KCNK13: variants seen among roughly 807,000 people sequenced by gnomAD.
The protein encoded by KCNK13 is potassium two pore domain channel subfamily K member 13.
Under a neutral mutation model 23.4 loss-of-function variants are expected in KCNK13, and 12 were observed. That is an observed-to-expected ratio of 0.51 (90% CI 0.33 to 0.83). The LOEUF (loss-of-function observed/expected upper bound fraction) is 0.83. Among genes scored for constraint, KCNK13 ranks in the 40% least tolerant of loss-of-function variants. KCNK13 has a pLI of 0.02. For missense variants in KCNK13, 463 were observed against 556.3 expected (o/e 0.83, Z 1.69); for synonymous variants, 231 against 229.5 (o/e 1.01, Z -0.06).
At chr14:90,104,253 C>A (rs1013297652) in intron 1 of KCNK13, among the ~76,000 whole-genome samples, 3 of 152,220 alleles carry the variant, frequency 2.0e-5, no homozygotes, top group Non-Finnish European at 4.4e-5. Context: ...GCCTCCTCCT[C>A]CTGTGAATGC....
At chr14:90,076,022 A>G (rs1362484314) in intron 1 of KCNK13, among the ~76,000 whole-genome samples, 2 of 152,310 alleles carry the variant, frequency 1.3e-5, no homozygotes, top group East Asian at 3.9e-4. Flanking sequence ...AGAGGAAATA[A>G]CACCACATTT....
At chr14:90,135,742 C>A (rs1889928577) in intron 1 of KCNK13, among the ~76,000 whole-genome samples, 1 of 152,118 alleles carries the variant, frequency 6.6e-6, no homozygotes, top group African/African-American at 2.4e-5. Context: ...AAGAAAAGGA[C>A]TCTTTTTTGT....
intron 1 of KCNK13, among the ~76,000 whole-genome samples, chr14:90,071,161 T>G (rs960786256): frequency 2.0e-5 from 3 of 152,202 alleles, no homozygotes; most frequent in Admixed American, 2.0e-4. Flanking sequence ...TCTCTTTCCC[T>G]CTATCCCTTT....
chr14:90,125,459 G>A (rs1889786642), intron 1 of KCNK13, among the ~76,000 whole-genome samples: 1 of 151,892 alleles, frequency 6.6e-6, no homozygotes. Context: ...TTCTGACCTC[G>A]TGAATTGCCT....
chr14:90,178,155 AAAG>A (rs894951825), intron 1 of KCNK13, among the ~76,000 whole-genome samples: 8 of 150,652 alleles, frequency 5.3e-5, no homozygotes, highest in African/African-American at 1.7e-4. Context: ...TTCATCATTA[AAAG>A]TAAAGACATG....
At chr14:90,177,675 G>T (rs78522449) in intron 1 of KCNK13, among the ~76,000 whole-genome samples, 2,026 of 152,268 alleles carry the variant, frequency 0.013, 28 homozygotes, top group Middle Eastern at 0.034. Flanking sequence ...TGAAGGAGTG[G>T]TTCCTGTAAC....
chr14:90,169,891 A>G (rs1218758337), intron 1 of KCNK13, among the ~76,000 whole-genome samples: 4 of 152,184 alleles, frequency 2.6e-5, no homozygotes, highest in Admixed American at 2.6e-4. Context: ...ACAGCCTCCA[A>G]CTGAGGGCAG....
intron 1 of KCNK13, among the ~76,000 whole-genome samples, chr14:90,123,826 G>A (rs563499754): frequency 3.6e-4 from 55 of 152,166 alleles, no homozygotes; most frequent in Admixed American, 1.1e-3. Context: ...GTAGAGATGC[G>A]GTCTCACTGT....
Position 90,062,587 on chromosome 14 carries a change from T to G in KCNK13, c.334+48T>G. ...CTGACAACCTCCGGGCGGCCTCCAC[T>G]TCCTCCGGGGGGCAGGACCGACCCT... On this transcript the variant is annotated intron_variant, in intron 1 of 1. Coordinates refer to ENST00000282146, the MANE Select transcript of KCNK13 (RefSeq NM_022054.4). This position sits in a 1 kb window ranked among gnomAD's most constrained non-coding sequence, Gnocchi z 4.5. The G allele has an allele frequency of 7.3e-7, 1 of 1,370,184 alleles. No individual in the cohort carries two copies. The highest frequency in any genetic ancestry group is 9.7e-7 in the Non-Finnish European group (1 of 1,033,754). 84.9% of individuals were successfully genotyped at this position (1,370,184 alleles called of 1,614,324 possible). A position where few individuals can be genotyped will look rare whatever the true frequency, so the allele number is the denominator to read the frequency against.
chr14:90,101,790 C>CAAAAAAAAAAAGAAAA (rs1889481246), intron 1 of KCNK13, among the ~76,000 whole-genome samples: 1 of 55,594 alleles, frequency 1.8e-5, no homozygotes, highest in Non-Finnish European at 3.5e-5. Context: ...ACTCCGTCTC[C>CAAAAAAAAAAAGAAAA]AAAAAAAAAA....
At chr14:90,142,593 C>T (rs1017265967) in intron 1 of KCNK13, among the ~76,000 whole-genome samples, 2 of 152,150 alleles carry the variant, frequency 1.3e-5, no homozygotes, top group African/African-American at 4.8e-5. Context: ...GCTGGGATTA[C>T]AGGCATGAGC....
rs79920103 is a variant in KCNK13 at position 90,129,627 on chromosome 14, A to G, written c.335-54484A>G. Among the ~76,000 whole-genome samples the G allele has an allele frequency of 5.9e-3, 901 of 152,174 alleles. 5 individuals are homozygous for G. Among genetic ancestry groups the G allele is most frequent in the African/African-American group, 0.021 (853 of 41,522 alleles). ...TAAAATAATGCCCAATCGTTTTACT[A>G]TGTTGCTGTGACACTTTATTTTCCT... is the stretch of plus-strand genomic sequence containing the variant. On this transcript the variant is annotated intron_variant, in intron 1 of 1. Coordinates refer to ENST00000282146, the MANE Select transcript of KCNK13 (RefSeq NM_022054.4).
At chr14:90,112,262 A>G (rs2140413095) in intron 1 of KCNK13, among the ~76,000 whole-genome samples, 1 of 152,312 alleles carries the variant, frequency 6.6e-6, no homozygotes, top group Admixed American at 6.5e-5. Flanking sequence ...CCACCCACCA[A>G]GGGAAGCTTT....
chr14:90,177,191 T>G (rs967333465), intron 1 of KCNK13: 10 of 151,914 alleles, frequency 6.6e-5, no homozygotes, highest in African/African-American at 2.4e-4. Context: ...TGAGATCCTA[T>G]CTCAAAAAAA....
chr14:90,073,309 T>C lies in KCNK13; in HGVS notation c.334+10770T>C, dbSNP rs139050410. On this transcript the variant is annotated intron_variant, in intron 1 of 1. Transcript: ENST00000282146. ...TAGCGTGCTGCCTACCGCCCAGGAG[T>C]CCATGCAAACAGAGACTTCTGCCTC... 2.8e-3 allele frequency among the ~76,000 whole-genome samples: 421 copies of C among 151,868 alleles called. 4 individuals are homozygous for C. The highest frequency in any genetic ancestry group is 9.8e-3 in the African/African-American group (404 of 41,360).
At chr14:90,097,511 C>T (rs574208993) in intron 1 of KCNK13, among the ~76,000 whole-genome samples, 2 of 151,978 alleles carry the variant, frequency 1.3e-5, no homozygotes, top group East Asian at 3.9e-4. Flanking sequence ...CCCTCTAGGC[C>T]CCACCTTCCA....
intron 1 of KCNK13, among the ~76,000 whole-genome samples, chr14:90,162,809 G>A (rs972520677): frequency 2.7e-4 from 41 of 152,108 alleles, no homozygotes; most frequent in Admixed American, 2.5e-3. Flanking sequence ...TAGTGTAGCA[G>A]CAAAACATTT....
rs1555402536 is a variant in KCNK13, at chr14:90,107,483, A to AT, written c.334+44944_334+44945insT. On this transcript the variant is annotated intron_variant, in intron 1 of 1. Transcript: ENST00000282146. ...ACAGTGTGAGACTCCGTCTCAAAAA[A>AT]ATATATATATATACATGTTGAGCCT... Among the ~76,000 whole-genome samples, 3 of 152,110 alleles carry AT rather than the reference A, an allele frequency of 2.0e-5. No individual in the cohort carries two copies. In the East Asian group the frequency reaches 5.8e-4, roughly 29 times the overall value.
intron 1 of KCNK13, among the ~76,000 whole-genome samples, chr14:90,144,386 C>T (rs1440338227): frequency 6.6e-6 from 1 of 151,874 alleles, no homozygotes; most frequent in Non-Finnish European, 1.5e-5. Context: ...TATTTTGTGT[C>T]CTGCAACTTT....
Sources: allele counts gnomAD v4.1 joint callset (sites outside exome capture counted in the v4.1 genomes callset), GRCh38; gene constraint gnomAD v4.1.1; non-coding constraint Gnocchi (gnomAD v3.1); transcripts MANE v1.5; gene names NCBI Gene and HGNC (gene_info 2026-07-23, HGNC 2026-07-21).